Variants in SYNDIG1 observed in about 807,000 individuals in gnomAD.
SYNDIG1 encodes the protein synapse differentiation-inducing gene protein 1.
In SYNDIG1, 9 loss-of-function variants were observed where a neutral mutation model predicts 19.4. That is an observed-to-expected ratio of 0.46 (90% CI 0.28 to 0.81). SYNDIG1 has a LOEUF of 0.81. SYNDIG1 is among the 30% of genes least tolerant of loss of function. The pLI, the probability that SYNDIG1 is intolerant of heterozygous loss-of-function variation, is 0.12. For missense variants in SYNDIG1, 311 were observed against 343.3 expected, an observed-to-expected ratio of 0.91 and a Z score of 0.74; for synonymous variants, 141 against 145.9, an observed-to-expected ratio of 0.97 and a Z score of 0.24.
At chr20:24,547,908 T>C (rs1454627387) in intron 2 of SYNDIG1, among the ~76,000 whole-genome samples, 1 of 152,194 alleles carries the variant, frequency 6.6e-6, no homozygotes. Flanking sequence ...GGTGACCAGA[T>C]GTTGAATGGC....
chr20:24,538,920 T>G (rs2057413739), intron 1 of SYNDIG1, among the ~76,000 whole-genome samples: 1 of 152,224 alleles, frequency 6.6e-6, no homozygotes, highest in Non-Finnish European at 1.5e-5. Context: ...GAAATTTCTA[T>G]TCAAGACCTT....
intron 3 of SYNDIG1, among the ~76,000 whole-genome samples, chr20:24,633,413 C>G (rs962346236): frequency 1.3e-5 from 2 of 152,174 alleles, no homozygotes; most frequent in African/African-American, 4.8e-5. Flanking sequence ...CTGGCAGAGT[C>G]CCAGCACCCA....
intron 3 of SYNDIG1, among the ~76,000 whole-genome samples, chr20:24,622,307 C>T (rs1209106305): frequency 1.3e-5 from 2 of 152,040 alleles, no homozygotes; most frequent in Non-Finnish European, 2.9e-5. Flanking sequence ...AGGAAATGAC[C>T]CAAACTGAAA....
chr20:24,498,398 GT>G (rs1260573319), intron 1 of SYNDIG1, among the ~76,000 whole-genome samples: 1 of 152,128 alleles, frequency 6.6e-6, no homozygotes, highest in African/African-American at 2.4e-5. Context: ...TTAAAATTTT[GT>G]CCTTTAAATT....
chr20:24,598,799 C>T (rs2058635042), intron 3 of SYNDIG1, among the ~76,000 whole-genome samples: 1 of 152,178 alleles, frequency 6.6e-6, no homozygotes, highest in African/African-American at 2.4e-5. Flanking sequence ...AAAATTGACA[C>T]TATGTAGACC....
chr20:24,632,885 CAG>C (rs2059264949), intron 3 of SYNDIG1, among the ~76,000 whole-genome samples: 1 of 151,338 alleles, frequency 6.6e-6, no homozygotes, highest in South Asian at 2.1e-4. Flanking sequence ...GAAGCTGAAA[CAG>C]AACTTGAAAT....
intron 1 of SYNDIG1, among the ~76,000 whole-genome samples, chr20:24,490,276 C>T (rs906959794): frequency 2.0e-5 from 3 of 152,184 alleles, no homozygotes; most frequent in Non-Finnish European, 2.9e-5. Context: ...CTCGTCTTTG[C>T]GGCTTCTTGA....
At chr20:24,614,737 T>C (rs748374794) in intron 3 of SYNDIG1, among the ~76,000 whole-genome samples, 8 of 152,154 alleles carry the variant, frequency 5.3e-5, no homozygotes, top group Non-Finnish European at 1.0e-4. Flanking sequence ...AAAACACAAA[T>C]ACTATTAAAG....
chr20:24,489,391 A>G (rs1175122393), intron 1 of SYNDIG1, among the ~76,000 whole-genome samples: 2 of 149,956 alleles, frequency 1.3e-5, no homozygotes, highest in Non-Finnish European at 2.9e-5. Flanking sequence ...GGACACAGAT[A>G]CAGACACATG....
chr20:24,502,828 A>G (rs2056487170), intron 1 of SYNDIG1, among the ~76,000 whole-genome samples: 2 of 152,244 alleles, frequency 1.3e-5, no homozygotes, highest in Admixed American at 1.3e-4. Context: ...GTCACTGAAG[A>G]AGAGAAGAGT....
intron 1 of SYNDIG1, among the ~76,000 whole-genome samples, chr20:24,501,877 C>A (rs1466250334): frequency 6.6e-6 from 1 of 152,216 alleles, no homozygotes; most frequent in Non-Finnish European, 1.5e-5. Context: ...CCTCTGCAGG[C>A]CCCGAGCTGC....
chr20:24,535,566 A>G (rs2057343996), intron 1 of SYNDIG1, among the ~76,000 whole-genome samples: 1 of 152,224 alleles, frequency 6.6e-6, no homozygotes, highest in African/African-American at 2.4e-5. Flanking sequence ...GGGAACACAC[A>G]TGCCATAGTA....
At chr20:24,518,416 G>A (rs959356957) in intron 1 of SYNDIG1, among the ~76,000 whole-genome samples, 7 of 152,184 alleles carry the variant, frequency 4.6e-5, no homozygotes, top group African/African-American at 1.7e-4. Flanking sequence ...TGGCTCAGAA[G>A]CAGGGATCGA....
At chr20:24,480,219 G>A (rs987784926) in intron 1 of SYNDIG1, among the ~76,000 whole-genome samples, 4 of 152,270 alleles carry the variant, frequency 2.6e-5, no homozygotes, top group African/African-American at 7.2e-5. Flanking sequence ...CAGAACAACC[G>A]AAGATGAAAT....
chr20:24,659,880 T>C (rs1016674583), intron 3 of SYNDIG1, among the ~76,000 whole-genome samples: 3 of 152,250 alleles, frequency 2.0e-5, no homozygotes, highest in African/African-American at 7.2e-5. Context: ...ATGGTTCTTA[T>C]CTGTTCATTT....
chr20:24,583,429 T>G (rs1192712955), intron 2 of SYNDIG1, among the ~76,000 whole-genome samples: 1 of 152,190 alleles, frequency 6.6e-6, no homozygotes, highest in African/African-American at 2.4e-5. Context: ...CTTGGGCAGC[T>G]GGCAGAGAGC....
Position 24,632,396 on chromosome 20 carries a change from T to A in SYNDIG1, c.619-32950T>A, listed in dbSNP as rs2147300924. ...CTGGGATTACAGGCACATGCCACCA[T>A]GCCTGGCTGAATTTTGTATTTTCAG... On this transcript the variant is annotated intron_variant, in intron 3 of 3. Transcript: ENST00000376862. 2.0e-5 allele frequency among the ~76,000 whole-genome samples: 3 copies of A among 152,262 alleles called. 1 individual carries two copies. In the East Asian group the frequency reaches 5.8e-4, roughly 29 times the overall value.
chr20:24,617,252 C>G (rs781726190), intron 3 of SYNDIG1, among the ~76,000 whole-genome samples: 1 of 152,168 alleles, frequency 6.6e-6, no homozygotes, highest in Admixed American at 6.5e-5. Context: ...ACCGAACCTC[C>G]GTGCTCCTGG....
At chr20:24,521,059 C>T (rs2056991903) in intron 1 of SYNDIG1, among the ~76,000 whole-genome samples, 1 of 152,188 alleles carries the variant, frequency 6.6e-6, no homozygotes, top group East Asian at 1.9e-4. Context: ...TAAGTGGAAT[C>T]ATACAGTATT....
Sources: gnomAD v4.1 joint callset for allele counts (sites outside exome capture counted in the v4.1 genomes callset) on GRCh38, gnomAD v4.1.1 for gene constraint, MANE v1.5 for transcripts, NCBI Gene and HGNC (gene_info 2026-07-23, HGNC 2026-07-21) for gene names.